ATG14: variants seen among roughly 807,000 people sequenced by gnomAD.
ATG14 encodes beclin 1-associated autophagy-related key regulator.
Under a neutral mutation model 60.4 loss-of-function variants are expected in ATG14, and 35 were observed. The observed-to-expected ratio is 0.58, with a 90% CI of 0.44 to 0.77. The LOEUF is 0.77. Among genes scored for constraint, ATG14 ranks in the 30% least tolerant of loss-of-function variants. ATG14 has a pLI of 0.00. For synonymous variants in ATG14, 234 were observed against 228.8 expected, an observed-to-expected ratio of 1.02 and a Z score of -0.21; for missense variants, 647 against 626.3, an observed-to-expected ratio of 1.03 and a Z score of -0.35.
At chr14:55,380,788 CTG>C (rs1290010491) in intron 6 of ATG14, 98 bp from the exon 7 acceptor site, 3 of 727,378 alleles carry the variant, frequency 4.1e-6, no homozygotes, top group Non-Finnish European at 4.3e-6. Context: ...CATGATAGCA[CTG>C]TTACGTTTTA....
At chr14:55,373,899 A>G (rs1017610556) in intron 9 of ATG14, among the ~76,000 whole-genome samples, 70 of 152,198 alleles carry the variant, frequency 4.6e-4, no homozygotes, top group African/African-American at 1.6e-3. Flanking sequence ...TCCATGAACA[A>G]TCTTCTCTAC....
chr14:55,409,010 T>C (rs2140155942), intron 1 of ATG14, among the ~76,000 whole-genome samples: 1 of 152,312 alleles, frequency 6.6e-6, no homozygotes, highest in South Asian at 2.1e-4. Flanking sequence ...TATTTACATT[T>C]CTATTGTGGC....
In ATG14 at chr14:55,368,305, C is replaced by G. The variant is rs1884729787; in HGVS notation, c.*1314G>C. 1 of 152,570 alleles carries G rather than the reference C, an allele frequency of 6.6e-6. No individual in the cohort carries two copies. The highest frequency in any genetic ancestry group is 2.4e-5 in the African/African-American group (1 of 41,416). 9.5% of individuals were successfully genotyped at this position (152,570 alleles called of 1,614,324 possible). A position where few individuals can be genotyped will look rare whatever the true frequency, so the allele number is the denominator to read the frequency against. ...GCACAATCTCGGCTCACTGCAACCT[C>G]TGCCTCCCGGTTCAAGCGATTCTCC... On this transcript the variant is annotated 3_prime_UTR_variant, in exon 10 of 10. Coordinates refer to ENST00000247178, the MANE Select transcript of ATG14 (RefSeq NM_014924.5).
intron 9 of ATG14, among the ~76,000 whole-genome samples, chr14:55,375,198 C>T (rs1246276476): frequency 3.3e-5 from 5 of 152,202 alleles, no homozygotes; most frequent in African/African-American, 1.2e-4. Context: ...AATCATTTTA[C>T]ATATATTTTA....
intron 1 of ATG14, among the ~76,000 whole-genome samples, chr14:55,404,024 G>GAGTT (rs1166155375): frequency 6.6e-6 from 1 of 152,160 alleles, no homozygotes; most frequent in Admixed American, 6.5e-5. Flanking sequence ...TGGTCACTGA[G>GAGTT]AGTTATTCTT....
Position 55,369,590 on chromosome 14 carries a change from C to G in ATG14, c.*29G>C, listed in dbSNP as rs1417552825. The stretch of plus-strand genomic sequence containing the variant: ...TAGTGGGAGAAGAACTTTCTTGATG[C>G]AGATTTGGTATGTTTTGGTCCATGC... On this transcript the variant is annotated 3_prime_UTR_variant, in exon 10 of 10. Transcript: ENST00000247178. The G allele has an allele frequency of 1.4e-6, 2 of 1,458,734 alleles. No individual in the cohort carries two copies. Among genetic ancestry groups the G allele is most frequent in the South Asian group, 3.3e-5 (2 of 60,940 alleles). The allele number at this position is 1,458,734 out of a possible 1,614,324, so 90.4% of individuals were successfully genotyped here.
At chr14:55,385,391 C>T (rs1885107292) in intron 5 of ATG14, among the ~76,000 whole-genome samples, 1 of 152,130 alleles carries the variant, frequency 6.6e-6, no homozygotes, top group African/African-American at 2.4e-5. Context: ...CTCCTGGGTT[C>T]AAGCAATTCT....
intron 1 of ATG14, among the ~76,000 whole-genome samples, chr14:55,403,401 A>G (rs2140151397): frequency 6.6e-6 from 1 of 152,344 alleles, no homozygotes; most frequent in Middle Eastern, 3.4e-3. Flanking sequence ...CTTCTTCTGC[A>G]CACAGAGAAA....
chr14:55,380,567 AC>A lies in ATG14; in HGVS notation c.995+5del. The stretch of plus-strand genomic sequence containing the variant: ...AAAGATGACATTACCACCTTCAATT[AC>A]TTGCCTGTTGCAGAGCTTTTTGGGA... On this transcript the variant is annotated splice_donor_5th_base_variant and intron_variant, in intron 7 of 9. Transcript: ENST00000247178. 6.4e-7 allele frequency: 1 copy of A among 1,568,432 alleles called. No homozygotes were observed. Among genetic ancestry groups the A allele is most frequent in the Non-Finnish European group, 8.8e-7 (1 of 1,141,538 alleles).
chr14:55,378,066 C>A lies in ATG14; in HGVS notation c.1004G>T (p.Cys335Phe). Residue 335 changes from cysteine (C) to phenylalanine (F), a missense_variant, in exon 8 of 10, where the codon TGT (cysteine) becomes TTT (phenylalanine). By Grantham distance (205) the Cys-to-Phe change is radical (BLOSUM62 -2). Transcript: ENST00000247178. ...LPKKLCNSEFCGENLSKQKFT... is the reference protein window; with the variant it reads ...LPKKLCNSEFFGENLSKQKFT... Reference sequence around the variant, plus strand: ...TTTCTGCTTGCTTAGATTTTCGCCACAAAATTCACTGTAAAACAAACATAC... The same window carrying A: ...TTTCTGCTTGCTTAGATTTTCGCCAAAAAATTCACTGTAAAACAAACATAC... The A allele has an allele frequency of 6.2e-7, 1 of 1,612,630 alleles. No homozygotes were observed. The highest frequency in any genetic ancestry group is 8.5e-7 in the Non-Finnish European group (1 of 1,179,210).
intron 4 of ATG14, among the ~76,000 whole-genome samples, chr14:55,388,017 A>G (rs558736211): frequency 9.9e-5 from 15 of 151,998 alleles, no homozygotes; most frequent in African/African-American, 3.6e-4. Flanking sequence ...GGTGCTTGTA[A>G]TCCCAGCTAC....
At chr14:55,401,727 AAGG>A (rs1594784383) in intron 1 of ATG14, among the ~76,000 whole-genome samples, 1 of 152,136 alleles carries the variant, frequency 6.6e-6, no homozygotes, top group Non-Finnish European at 1.5e-5. Context: ...TGATGGGAAC[AAGG>A]AGAAGGGTGC....
In ATG14 at chr14:55,369,881, TC is replaced by T; in HGVS notation, c.1216del (p.Glu406AsnfsTer68). ...TCCAGCAACTCCGGGATCCACAAATTCCATGGACTCCTCAAGGTCTGCTCGT... is the reference window on the plus strand; with the variant it reads ...TCCAGCAACTCCGGGATCCACAAATTCATGGACTCCTCAAGGTCTGCTCGT... Reference protein sequence around the residue: ...EVRADLEESMEFVDPGVAGES... With the variant: ...EVRADLEESMXFVDPGVAGES... On this transcript the variant is annotated frameshift_variant, in exon 10 of 10. Transcript: ENST00000247178. LOFTEE classifies it high-confidence loss of function. 1 of 1,613,964 alleles carries T rather than the reference TC, an allele frequency of 6.2e-7. No homozygotes were observed. The highest frequency in any genetic ancestry group is 8.5e-7 in the Non-Finnish European group (1 of 1,179,944).
At chr14:55,393,426 A>C (rs1483514615) in intron 3 of ATG14, among the ~76,000 whole-genome samples, 3 of 152,274 alleles carry the variant, frequency 2.0e-5, no homozygotes, top group African/African-American at 4.8e-5. Flanking sequence ...AATAATGTTT[A>C]CTGTTGTGAA....
At chr14:55,405,810 A>T (rs1350123437) in intron 1 of ATG14, among the ~76,000 whole-genome samples, 1 of 151,902 alleles carries the variant, frequency 6.6e-6, no homozygotes, top group African/African-American at 2.4e-5. Flanking sequence ...TTAAGGAAGC[A>T]TACAGTTTAA....
chr14:55,386,592 A>G (rs1885129550), intron 4 of ATG14, among the ~76,000 whole-genome samples: 3 of 152,236 alleles, frequency 2.0e-5, no homozygotes, highest in African/African-American at 7.2e-5. Flanking sequence ...AAGAGCTCTG[A>G]AAAGTCACAG....
intron 9 of ATG14, among the ~76,000 whole-genome samples, chr14:55,371,546 C>T (rs866667945): frequency 6.6e-6 from 1 of 151,698 alleles, no homozygotes; most frequent in Non-Finnish European, 1.5e-5. Flanking sequence ...GTGGCTCACA[C>T]CTGTAATCCC....
In ATG14 at chr14:55,377,906, TA is replaced by T. The variant is rs780668794; in HGVS notation, c.1087-3del. ...TTGTAATTGATCTAAATTTACATGC[TA>T]AAAAAAATTAAAGAATTGGTTAATA... On this transcript the variant is annotated splice_polypyrimidine_tract_variant and splice_region_variant and intron_variant, in intron 8 of 9. Transcript: ENST00000247178. 1.2e-5 allele frequency: 19 copies of T among 1,599,330 alleles called. No homozygotes were observed. Among genetic ancestry groups the T allele is most frequent in the African/African-American group, 5.4e-5 (4 of 74,066 alleles).
At chr14:55,396,311 A>C (rs2140144638) in intron 2 of ATG14, among the ~76,000 whole-genome samples, 2 of 152,336 alleles carry the variant, frequency 1.3e-5, no homozygotes, top group African/African-American at 4.8e-5. Context: ...TTAATGATCT[A>C]ATAGTTCCCA....
Sources: gnomAD v4.1 joint callset for allele counts (sites outside exome capture counted in the v4.1 genomes callset) on GRCh38, gnomAD v4.1.1 for gene constraint, MANE v1.5 for transcripts, NCBI Gene and HGNC (gene_info 2026-07-23, HGNC 2026-07-21) for gene names.